COLGALT1: variants seen among roughly 807,000 people sequenced by gnomAD.
COLGALT1 encodes the protein procollagen galactosyltransferase 1.
A neutral mutation model predicts 60.8 loss-of-function variants in COLGALT1; 43 were observed. That is an observed-to-expected ratio of 0.71 (90% CI 0.55 to 0.91). The LOEUF is 0.91. COLGALT1 is among the 40% of genes least tolerant of loss of function. COLGALT1 has a pLI of 0.00. For missense variants in COLGALT1, 845 were observed against 880.0 expected, an observed-to-expected ratio of 0.96 and a Z score of 0.50; for synonymous variants, 369 against 374.2, an observed-to-expected ratio of 0.99 and a Z score of 0.16.
rs1438919919 is a variant in COLGALT1, at chr19:17,555,805, C to A, written c.92C>A (p.Pro31Gln). 13 of 1,254,546 alleles carry A rather than the reference C, an allele frequency of 1.0e-5. No homozygotes were observed. In the East Asian group the frequency reaches 3.2e-4, roughly 31 times the overall value. 77.7% of individuals were successfully genotyped at this position (1,254,546 alleles called of 1,614,324 possible). The change falls in exon 1 of 12, where the codon CCG (proline) becomes CAG (glutamine). Residue 31 changes from proline to glutamine, a missense_variant. By Grantham distance (76) the Pro-to-Gln change is moderately conservative. Transcript: ENST00000252599. ...CTGGCGCCACTGCCGCCGGGGGCCCCGCCGGGCGCCGACGCCTACTTCCCC... is the reference window on the plus strand; with the variant it reads ...CTGGCGCCACTGCCGCCGGGGGCCCAGCCGGGCGCCGACGCCTACTTCCCC... The part of the protein sequence containing the change: ...LLLAPLPPGA[P>Q]PGADAYFPEE...
Position 17,581,560 on chromosome 19 carries a change from G to C in COLGALT1, c.*116G>C, listed in dbSNP as rs1040075709. ...CAGGCCACAGAGGGCTCTCGTGTGG[G>C]GTGGTGTCCAGCCAGCTCTTGCTAA... On this transcript the variant is annotated 3_prime_UTR_variant, in exon 12 of 12. Coordinates refer to ENST00000252599, the MANE Select transcript of COLGALT1 (RefSeq NM_024656.4). 2 of 1,355,692 alleles carry C rather than the reference G, an allele frequency of 1.5e-6. No homozygotes were observed. The highest frequency in any genetic ancestry group is 2.0e-6 in the Non-Finnish European group (2 of 1,017,876). The allele number at this position is 1,355,692 out of a possible 1,614,324, so 84.0% of individuals were successfully genotyped here. A position where few individuals can be genotyped will look rare whatever the true frequency, so the allele number is the denominator to read the frequency against.
At chr19:17,559,247 C>A in intron 1 of COLGALT1, 64 bp from the exon 2 acceptor site, 1 of 1,198,254 alleles carries the variant, frequency 8.3e-7, no homozygotes, top group Non-Finnish European at 1.2e-6. Context: ...CCTTGACTTG[C>A]CTCACTGCTG....
At chr19:17,565,301 A>T (rs1482781624) in intron 3 of COLGALT1, among the ~76,000 whole-genome samples, 1 of 151,918 alleles carries the variant, frequency 6.6e-6, no homozygotes, top group Non-Finnish European at 1.5e-5. Context: ...AATTACAGGC[A>T]TGTGTCACCA....
intron 6 of COLGALT1, 189 bp from the exon 7 acceptor site, chr19:17,577,006 G>GAAGCTGGGGGCTGGGGGGT: frequency 1.6e-6 from 1 of 606,638 alleles, no homozygotes; most frequent in Non-Finnish European, 2.9e-6. Context: ...CCAGGGCTTT[G>GAAGCTGGGGGCTGGGGGGT]GGCTGCTGTG....
In COLGALT1 at chr19:17,580,528, ACCGCCAGACC is replaced by A. The variant is rs941371885; in HGVS notation, c.1395-168_1395-159del. ...GAAAAACTCACTCTTCTCCCCCATG[ACCGCCAGACC>A]CCTGGGCTCCTGCATTCACTCCATC... On this transcript the variant is annotated intron_variant, in intron 10 of 11. Coordinates refer to ENST00000252599, the MANE Select transcript of COLGALT1 (RefSeq NM_024656.4). The A allele has an allele frequency of 1.9e-5, 12 of 643,040 alleles. No individual in the cohort carries two copies. In the African/African-American group the frequency reaches 2.2e-4, roughly 12 times the overall value. The allele number at this position is 643,040 out of a possible 1,614,324, so 39.8% of individuals were successfully genotyped here. A position where few individuals can be genotyped will look rare whatever the true frequency, so the allele number is the denominator to read the frequency against.
chr19:17,575,100 G>A (rs1306212979), intron 6 of COLGALT1, among the ~76,000 whole-genome samples: 1 of 152,132 alleles, frequency 6.6e-6, no homozygotes, highest in Non-Finnish European at 1.5e-5. Flanking sequence ...CGCCTGGGCT[G>A]GAGTGCAATG....
chr19:17,575,164 C>T (rs2076333804), intron 6 of COLGALT1, among the ~76,000 whole-genome samples: 1 of 152,088 alleles, frequency 6.6e-6, no homozygotes. Context: ...TGATTCTGCC[C>T]CACCTTCCCA....
chr19:17,560,180 A>AT (rs2076239728), intron 2 of COLGALT1, among the ~76,000 whole-genome samples, 168 bp from the exon 3 acceptor site: 1 of 151,908 alleles, frequency 6.6e-6, no homozygotes. Context: ...GGCCAGGAAC[A>AT]TTCTCCCCAC....
In COLGALT1 at chr19:17,579,495, G is replaced by A; in HGVS notation, c.1280G>A (p.Gly427Glu). 6.2e-7 allele frequency: 1 copy of A among 1,614,114 alleles called. No homozygotes were observed. The highest frequency in any genetic ancestry group is 8.5e-7 in the Non-Finnish European group (1 of 1,180,020). Residue 427 changes from glycine (G) to glutamate (E), a missense_variant, in exon 10 of 12, where the codon GGG becomes GAG. Physicochemically the swap from Gly to Glu is moderately conservative, Grantham distance 98 (BLOSUM62 -2). Transcript: ENST00000252599. ...TTCCTCCCTCAGGTGGTGGACCGGG[G>A]GCTGCAGAAATCGCTTGTGTTTGAG... Reference protein sequence around the residue: ...YNIWKEVVDRGLQKSLVFEDD... With the variant: ...YNIWKEVVDRELQKSLVFEDD...
intron 5 of COLGALT1, among the ~76,000 whole-genome samples, chr19:17,570,226 A>G (rs1343070254): frequency 6.6e-6 from 1 of 151,710 alleles, no homozygotes; most frequent in African/African-American, 2.4e-5. Context: ...ACAAGCTAAC[A>G]ACAACTTTTA....
chr19:17,561,707 T>G (rs1251026601), intron 3 of COLGALT1, among the ~76,000 whole-genome samples: 1 of 151,440 alleles, frequency 6.6e-6, no homozygotes, highest in Non-Finnish European at 1.5e-5. Context: ...TATAAACTTA[T>G]GGAGCACAAG....
In COLGALT1 at chr19:17,581,739, AC is replaced by A. The variant is rs1463415929; in HGVS notation, c.*296del. On this transcript the variant is annotated 3_prime_UTR_variant, in exon 12 of 12. Transcript: ENST00000252599. ...CTGCTGTATGCAAGGTTCCCATGTT[AC>A]GGCAGTGAATGAGGCATAATTGTTC... 2 of 451,760 alleles carry A rather than the reference AC, an allele frequency of 4.4e-6. No homozygotes were observed. The highest frequency in any genetic ancestry group is 3.7e-5 in the East Asian group (1 of 26,668). 28.0% of individuals were successfully genotyped at this position (451,760 alleles called of 1,614,324 possible). A position where few individuals can be genotyped will look rare whatever the true frequency, so the allele number is the denominator to read the frequency against.
At chr19:17,571,407 C>CA (rs914233091) in intron 5 of COLGALT1, among the ~76,000 whole-genome samples, 25 of 149,480 alleles carry the variant, frequency 1.7e-4, no homozygotes, top group East Asian at 7.8e-4. Context: ...GACTCTGTCT[C>CA]AAAAAAAATA....
chr19:17,580,836 C>T lies in COLGALT1; in HGVS notation c.1532C>T (p.Ala511Val). The T allele has an allele frequency of 6.2e-7, 1 of 1,614,010 alleles. No individual in the cohort carries two copies. Among genetic ancestry groups the T allele is most frequent in the Non-Finnish European group, 8.5e-7 (1 of 1,180,012 alleles). Residue 511 changes from alanine to valine, a missense_variant, in exon 11 of 12, where the codon GCT becomes GTT. By Grantham distance (64) the Ala-to-Val change is moderately conservative. Transcript: ENST00000252599. The stretch of plus-strand genomic sequence containing the variant: ...CTGCAAGGCGCCCGCAAACTGCTGG[C>T]TGCTGAGCCGCTCTCCAAGATGCTG... ...ISLQGARKLL[A>V]AEPLSKMLPV...
intron 3 of COLGALT1, among the ~76,000 whole-genome samples, chr19:17,564,656 G>A (rs1334769585): frequency 6.6e-6 from 1 of 151,870 alleles, no homozygotes; most frequent in Non-Finnish European, 1.5e-5. Flanking sequence ...GACCTCAAGT[G>A]ATCACCTGCC....
chr19:17,577,189 C>T lies in COLGALT1; in HGVS notation c.950-6C>T, dbSNP rs757644395. 1.9e-6 allele frequency: 3 copies of T among 1,612,948 alleles called. No homozygotes were observed. The highest frequency in any genetic ancestry group is 1.7e-5 in the Admixed American group (1 of 59,938). ...CCAGCGACTCCTCAACGTCTGTGCCCCACAGTGAAGCACCCGCCCGCAGAG... is the reference window on the plus strand; with the variant it reads ...CCAGCGACTCCTCAACGTCTGTGCCTCACAGTGAAGCACCCGCCCGCAGAG... On this transcript the variant is annotated splice_polypyrimidine_tract_variant and splice_region_variant and intron_variant, in intron 6 of 11. Coordinates refer to ENST00000252599, the MANE Select transcript of COLGALT1 (RefSeq NM_024656.4).
At chr19:17,559,104 G>A (rs2076232779) in intron 1 of COLGALT1, among the ~76,000 whole-genome samples, 1 of 152,098 alleles carries the variant, frequency 6.6e-6, no homozygotes, top group African/African-American at 2.4e-5. Flanking sequence ...AGCTTGCAGT[G>A]AGCCGAGATC....
intron 5 of COLGALT1, among the ~76,000 whole-genome samples, chr19:17,572,185 G>C (rs914966886): frequency 1.3e-5 from 2 of 151,966 alleles, no homozygotes; most frequent in Non-Finnish European, 2.9e-5. Context: ...GCATGTGCCT[G>C]TAGTCTCAGC....
chr19:17,579,123 G>A (rs1206259962), intron 9 of COLGALT1, among the ~76,000 whole-genome samples: 2 of 149,284 alleles, frequency 1.3e-5, no homozygotes, highest in South Asian at 2.1e-4. Context: ...AGTTGAGATC[G>A]TTCCACTGCA....
Sources: allele counts gnomAD v4.1 joint callset (sites outside exome capture counted in the v4.1 genomes callset), GRCh38; gene constraint gnomAD v4.1.1; transcripts MANE v1.5; gene names NCBI Gene and HGNC (gene_info 2026-07-23, HGNC 2026-07-21).